CLUAP1: variants seen among roughly 807,000 people sequenced by gnomAD.
CLUAP1 encodes the protein intraflagellar transport 38.
In CLUAP1, 50 loss-of-function variants were observed where a neutral mutation model predicts 55.0. The observed-to-expected ratio is 0.91, with a 90% CI of 0.72 to 1.15. The LOEUF (loss-of-function observed/expected upper bound fraction) is 1.15, where lower values mean the gene tolerates loss of function less well. Among genes scored for constraint, CLUAP1 ranks in the 50% most tolerant of loss-of-function variants. The probability of loss-of-function intolerance (pLI) is 0.00; values close to 1 mark genes in which losing one functional copy is unlikely to be tolerated. For missense variants in CLUAP1, 530 were observed against 507.6 expected (o/e 1.04, Z -0.42); for synonymous variants, 195 against 175.4 (o/e 1.11, Z -0.88).
rs1386834327 is a variant in CLUAP1 at position 3,506,431 on chromosome 16, T to C, written c.219+16T>C. ...CCAGTTCATGGTTAGTGGACACTTA[T>C]TTTGTGGAGTTGTAAAATTAAATAA... On this transcript the variant is annotated intron_variant, in intron 3 of 11. Transcript: ENST00000576634. 4 of 1,584,708 alleles carry C rather than the reference T, an allele frequency of 2.5e-6. No individual in the cohort carries two copies. Among genetic ancestry groups the C allele is most frequent in the Admixed American group, 3.3e-5 (2 of 59,962 alleles).
chr16:3,500,896 G>A (rs2037381804), upstream of CLUAP1: 2 of 685,542 alleles, frequency 2.9e-6, no homozygotes, highest in Non-Finnish European at 4.9e-6. Context: ...CTGCCGGCCC[G>A]CTCTCCCCGT....
chr16:3,523,028 C>A (rs2037871245), intron 7 of CLUAP1, 130 bp from the exon 8 acceptor site: 1 of 628,516 alleles, frequency 1.6e-6, no homozygotes, highest in Non-Finnish European at 2.5e-6. Flanking sequence ...TTAAGCATTA[C>A]AAGAATGAAG....
chr16:3,512,262 GA>G, intron 4 of CLUAP1, 120 bp from the exon 5 acceptor site: 1 of 667,140 alleles, frequency 1.5e-6, no homozygotes. Flanking sequence ...TTGGGAGGCT[GA>G]GGTCGGAGGG....
rs762646838 is a variant in CLUAP1, at chr16:3,501,102, C to T, written c.22+13C>T. ...CGCGACCTCCGCAGTAAGGCAGCCCCGCGCCCCTGTGACCTGCGGGTCTTC... is the reference window on the plus strand; with the variant it reads ...CGCGACCTCCGCAGTAAGGCAGCCCTGCGCCCCTGTGACCTGCGGGTCTTC... On this transcript the variant is annotated intron_variant, in intron 1 of 11. Transcript: ENST00000576634. 3.1e-6 allele frequency: 5 copies of T among 1,588,578 alleles called. No homozygotes were observed. Among genetic ancestry groups the T allele is most frequent in the Non-Finnish European group, 1.7e-6 (2 of 1,172,962 alleles).
At chr16:3,530,735 C>T (rs1173592834) in intron 10 of CLUAP1, 60 bp downstream of exon 10, 1 of 1,362,336 alleles carries the variant, frequency 7.3e-7, no homozygotes, top group African/African-American at 1.4e-5. Context: ...AACACCTGGC[C>T]AGGACTGGGG....
At position 3,506,377 on chromosome 16, in the gene CLUAP1, G is replaced by T. The variant is rs1012028122; in HGVS notation, c.181G>T (p.Asp61Tyr). 5 of 1,614,076 alleles carry T rather than the reference G, an allele frequency of 3.1e-6. No individual in the cohort carries two copies. The South Asian group carries it at 5.5e-5, about 18-fold the overall frequency. The change falls in exon 3 of 12, where the codon GAC becomes TAC. Residue 61 changes from aspartate to tyrosine, a missense_variant. Coordinates refer to ENST00000576634, the MANE Select transcript of CLUAP1 (RefSeq NM_015041.3). Reference protein sequence around the residue: ...DIPPDVDTEQDRVFFIKAIAQ... With the variant: ...DIPPDVDTEQYRVFFIKAIAQ... ...CCCGCCTGACGTGGATACTGAACAG[G>T]ACCGAGTTTTCTTCATTAAGGCAAT...
chr16:3,495,492 G>C, the CLUAP1 span: 1 of 1,571,222 alleles, frequency 6.4e-7, no homozygotes, highest in Non-Finnish European at 8.6e-7. Flanking sequence ...CCCTGCCTAG[G>C]GGGTACATTG....
chr16:3,518,804 G>T (rs140437934), intron 6 of CLUAP1, among the ~76,000 whole-genome samples: 348 of 152,294 alleles, frequency 2.3e-3, no homozygotes, highest in African/African-American at 7.1e-3. Context: ...ACAGTGGCTG[G>T]TTCCAAAACA....
chr16:3,529,578 TA>T (rs2038034841), intron 9 of CLUAP1, among the ~76,000 whole-genome samples: 15 of 46,014 alleles, frequency 3.3e-4, no homozygotes, highest in African/African-American at 1.2e-3. Context: ...TTATATATTA[TA>T]TAATATTATA....
At chr16:3,528,069 C>T (rs1333165236) in intron 9 of CLUAP1, among the ~76,000 whole-genome samples, 1 of 152,202 alleles carries the variant, frequency 6.6e-6, no homozygotes, top group African/African-American at 2.4e-5. Flanking sequence ...CATCTCTGCA[C>T]ATGGGGAGAA....
intron 8 of CLUAP1, among the ~76,000 whole-genome samples, chr16:3,523,881 G>A (rs148852389): frequency 1.6e-4 from 24 of 152,260 alleles, no homozygotes; most frequent in African/African-American, 5.5e-4. Flanking sequence ...CAGGAGAATC[G>A]TTTGAACATG....
chr16:3,527,122 C>T lies in CLUAP1; in HGVS notation c.928+638C>T, dbSNP rs572485528. Among the ~76,000 whole-genome samples the T allele has an allele frequency of 2.8e-4, 43 of 152,166 alleles. No homozygotes were observed. The East Asian group carries it at 5.4e-3, about 19-fold the overall frequency. Reference sequence around the variant, plus strand: ...CCTTATCCTTGTGTGGGCGGCAAGCCGCCCAGGTGCCGAGGCAAGAGACCG... The same window carrying T: ...CCTTATCCTTGTGTGGGCGGCAAGCTGCCCAGGTGCCGAGGCAAGAGACCG... On this transcript the variant is annotated intron_variant, in intron 9 of 11. Coordinates refer to ENST00000576634, the MANE Select transcript of CLUAP1 (RefSeq NM_015041.3).
At chr16:3,512,820 A>G (rs1596389109) in intron 5 of CLUAP1, among the ~76,000 whole-genome samples, 1 of 152,162 alleles carries the variant, frequency 6.6e-6, no homozygotes, top group East Asian at 1.9e-4. Flanking sequence ...AGCTGGGACT[A>G]CAGGTGCCTG....
Position 3,536,301 on chromosome 16 carries a change from A to G in CLUAP1, c.*30A>G, listed in dbSNP as rs201924645. On this transcript the variant is annotated 3_prime_UTR_variant, in exon 12 of 12. Coordinates refer to ENST00000576634, the MANE Select transcript of CLUAP1 (RefSeq NM_015041.3). The stretch of plus-strand genomic sequence containing the variant: ...TTTGCCAAGGGACCCTGGCAGATTA[A>G]AACCCTCAGACTTGTAGGTAAATGG... 6.2e-7 allele frequency: 1 copy of G among 1,609,720 alleles called. No individual in the cohort carries two copies. The highest frequency in any genetic ancestry group is 2.2e-5 in the East Asian group (1 of 44,804).
At chr16:3,521,504 G>A (rs1490487942) in intron 7 of CLUAP1, among the ~76,000 whole-genome samples, 2 of 150,436 alleles carry the variant, frequency 1.3e-5, no homozygotes, top group African/African-American at 2.4e-5. Flanking sequence ...GCGCGATCCC[G>A]GCTCACTGCA....
intron 7 of CLUAP1, among the ~76,000 whole-genome samples, chr16:3,522,467 A>T: frequency 6.6e-6 from 1 of 152,148 alleles, no homozygotes; most frequent in East Asian, 1.9e-4. Flanking sequence ...CCCGGCCAAC[A>T]GTAGAACATT....
chr16:3,524,615 A>G (rs1432432448), intron 8 of CLUAP1, among the ~76,000 whole-genome samples: 1 of 151,680 alleles, frequency 6.6e-6, no homozygotes, highest in African/African-American at 2.4e-5. Context: ...AAAAAAAAAA[A>G]AAAAAAGAAA....
At chr16:3,502,418 T>G (rs1232552972) in intron 1 of CLUAP1, among the ~76,000 whole-genome samples, 1 of 147,666 alleles carries the variant, frequency 6.8e-6, no homozygotes, top group Non-Finnish European at 1.5e-5. Context: ...CGCTCCACCC[T>G]GGCCGACAGA....
intron 11 of CLUAP1, 111 bp from the exon 12 acceptor site, chr16:3,536,011 C>G: frequency 7.5e-7 from 1 of 1,328,916 alleles, no homozygotes; most frequent in South Asian, 1.4e-5. Flanking sequence ...CTCTGCCAGC[C>G]TCTTCCTTCA....
Sources: gnomAD v4.1 joint callset for allele counts (sites outside exome capture counted in the v4.1 genomes callset) on GRCh38, gnomAD v4.1.1 for gene constraint, MANE v1.5 for transcripts, NCBI Gene and HGNC (gene_info 2026-07-23, HGNC 2026-07-21) for gene names.